RNLS: variants seen among roughly 807,000 people sequenced by gnomAD.
RNLS encodes renalase, FAD dependent amine oxidase.
In RNLS, 39 loss-of-function variants were observed where a neutral mutation model predicts 39.8. The ratio of observed to expected loss-of-function variants is 0.98; its 90% CI spans 0.76 to 1.28. The LOEUF (loss-of-function observed/expected upper bound fraction) is 1.28. Ranked by LOEUF, RNLS falls within the 50% of genes most tolerant of loss-of-function variation. The probability of loss-of-function intolerance (pLI) is 0.00; values close to 1 mark genes in which losing one functional copy is unlikely to be tolerated. For synonymous variants in RNLS, 147 were observed against 150.7 expected (o/e 0.98, Z 0.18); for missense variants, 410 against 413.3 (o/e 0.99, Z 0.07).
At chr10:88,398,981 A>G (rs1481103258) in intron 4 of RNLS, among the ~76,000 whole-genome samples, 4 of 152,056 alleles carry the variant, frequency 2.6e-5, no homozygotes, top group Admixed American at 6.6e-5. Context: ...AAAAAATCTG[A>G]ATAGATGTTT....
intron 6 of RNLS, among the ~76,000 whole-genome samples, chr10:88,303,233 T>C (rs1460282990): frequency 1.3e-5 from 2 of 152,216 alleles, no homozygotes; most frequent in Admixed American, 6.5e-5. Flanking sequence ...AGCCAGCTGA[T>C]GTGGAGCCCA....
At chr10:88,292,895 A>G (rs1589474843) in intron 6 of RNLS, among the ~76,000 whole-genome samples, 2 of 152,026 alleles carry the variant, frequency 1.3e-5, no homozygotes, top group East Asian at 1.9e-4. Context: ...AAAAAAAAAT[A>G]CAAAAATTAG....
At chr10:88,582,107 A>C in intron 2 of RNLS, 95 bp downstream of exon 2, 1 of 948,988 alleles carries the variant, frequency 1.1e-6, no homozygotes. Context: ...TCGAGCCCTT[A>C]CTATGTTCCA....
the RNLS span, among the ~76,000 whole-genome samples, chr10:88,223,766 T>C: frequency 6.6e-6 from 1 of 152,174 alleles, no homozygotes; most frequent in East Asian, 1.9e-4. Context: ...TTATCACAGT[T>C]GCACCTCTAC....
At chr10:88,567,156 T>C (rs1039256707) in intron 4 of RNLS, among the ~76,000 whole-genome samples, 1 of 152,022 alleles carries the variant, frequency 6.6e-6, no homozygotes, top group African/African-American at 2.4e-5. Context: ...AATAAAATCA[T>C]AAAGCAAAAA....
At chr10:88,320,124 T>C (rs1375998153) in intron 5 of RNLS, among the ~76,000 whole-genome samples, 1 of 150,482 alleles carries the variant, frequency 6.6e-6, no homozygotes, top group Non-Finnish European at 1.5e-5. Flanking sequence ...CAAGAAGAGA[T>C]TGGGGGTATA....
chr10:88,262,625 T>C, the RNLS span, among the ~76,000 whole-genome samples: 1 of 152,184 alleles, frequency 6.6e-6, no homozygotes, highest in African/African-American at 2.4e-5. Flanking sequence ...ATACCTATGA[T>C]AAGTGTGTAA....
chr10:88,271,497 C>A (rs1014028540), downstream of RNLS, among the ~76,000 whole-genome samples: 2 of 152,102 alleles, frequency 1.3e-5, no homozygotes, highest in African/African-American at 2.4e-5. Context: ...CCAAGGGGAC[C>A]ATTTATGCTG....
chr10:88,528,921 A>G (rs1333417111), intron 4 of RNLS, among the ~76,000 whole-genome samples: 1 of 152,038 alleles, frequency 6.6e-6, no homozygotes, highest in East Asian at 1.9e-4. Flanking sequence ...ATCAATCAAT[A>G]GAATATCTAA....
the RNLS span, among the ~76,000 whole-genome samples, chr10:88,174,061 T>G: frequency 6.6e-6 from 1 of 152,158 alleles, no homozygotes; most frequent in African/African-American, 2.4e-5. Flanking sequence ...AGTTCATTAT[T>G]GGTATTAGAA....
Position 88,407,549 on chromosome 10 carries a change from A to G in RNLS, c.527-44824T>C, listed in dbSNP as rs1197179046. On this transcript the variant is annotated intron_variant, in intron 4 of 6. Coordinates refer to ENST00000331772, the MANE Select transcript of RNLS (RefSeq NM_001031709.3). ...AAGGTAACTAATTATCATGAGAAAAAAAGGCAGAGAAAATAGCAGAAATGA... is the reference window on the plus strand; with the variant it reads ...AAGGTAACTAATTATCATGAGAAAAGAAGGCAGAGAAAATAGCAGAAATGA... Among the ~76,000 whole-genome samples the G allele has an allele frequency of 2.6e-5, 4 of 152,038 alleles. No individual in the cohort carries two copies. In the East Asian group the frequency reaches 5.8e-4, roughly 22 times the overall value.
chr10:88,428,491 G>T (rs1285477089), intron 4 of RNLS, among the ~76,000 whole-genome samples: 1 of 151,966 alleles, frequency 6.6e-6, no homozygotes, highest in Non-Finnish European at 1.5e-5. Flanking sequence ...ATCTGACTGA[G>T]ACTGATAAGA....
At chr10:88,275,277 G>T (rs1439370111) in intron 6 of RNLS, among the ~76,000 whole-genome samples, 1 of 152,040 alleles carries the variant, frequency 6.6e-6, no homozygotes, top group African/African-American at 2.4e-5. Flanking sequence ...AATTCTATCA[G>T]TTGGCTTTAA....
intron 4 of RNLS, among the ~76,000 whole-genome samples, chr10:88,558,472 GAC>G (rs1360071911): frequency 6.6e-6 from 1 of 151,884 alleles, no homozygotes; most frequent in Non-Finnish European, 1.5e-5. Context: ...TTTTTTTTCT[GAC>G]ACAACTAATT....
chr10:88,388,530 GCA>G (rs1166743631), intron 4 of RNLS, among the ~76,000 whole-genome samples: 1 of 152,110 alleles, frequency 6.6e-6, no homozygotes, highest in Non-Finnish European at 1.5e-5. Flanking sequence ...TCAGAACACA[GCA>G]CAGTCTTTCC....
At chr10:88,412,026 C>T (rs150300156) in intron 4 of RNLS, among the ~76,000 whole-genome samples, 159 of 152,038 alleles carry the variant, frequency 1.0e-3, no homozygotes, top group Non-Finnish European at 1.5e-3. Flanking sequence ...GAGTTTGAGC[C>T]GTTTATCTGA....
chr10:88,491,734 G>A (rs1844890382), intron 4 of RNLS, among the ~76,000 whole-genome samples: 1 of 152,098 alleles, frequency 6.6e-6, no homozygotes, highest in Non-Finnish European at 1.5e-5. Context: ...ATGCTAAGAA[G>A]ACTATCCACA....
chr10:88,394,710 T>A (rs981244436), intron 4 of RNLS, among the ~76,000 whole-genome samples: 6 of 151,978 alleles, frequency 3.9e-5, no homozygotes, highest in South Asian at 2.1e-4. Context: ...ACCCAAAGGA[T>A]TATAAATCAT....
the RNLS span, among the ~76,000 whole-genome samples, chr10:88,203,262 GTGTATGTATA>G: frequency 2.9e-4 from 5 of 17,494 alleles, no homozygotes; most frequent in South Asian, 2.3e-3. Flanking sequence ...GTGTGTGTGT[GTGTATGTATA>G]TATATATATA....
Sources: allele counts gnomAD v4.1 joint callset (sites outside exome capture counted in the v4.1 genomes callset), GRCh38; gene constraint gnomAD v4.1.1; transcripts MANE v1.5; gene names NCBI Gene and HGNC (gene_info 2026-07-23, HGNC 2026-07-21).